The following KCNIP4 variants were observed in gnomAD, a reference collection of about 807,000 sequenced individuals.
KCNIP4 encodes Kv channel-interacting protein 4.
KCNIP4 carries 12 observed loss-of-function variants against 34.0 expected under a neutral mutation model. The ratio of observed to expected loss-of-function variants is 0.35; its 90% CI spans 0.23 to 0.57. The LOEUF (loss-of-function observed/expected upper bound fraction) is 0.57, where lower values mean the gene tolerates loss of function less well. KCNIP4 is among the 20% of genes least tolerant of loss of function. The pLI, the probability that KCNIP4 is intolerant of heterozygous loss-of-function variation, is 0.83. For missense variants in KCNIP4, 238 were observed against 311.7 expected (o/e 0.76, Z 1.78); for synonymous variants, 124 against 102.2 (o/e 1.21, Z -1.29).
chr4:21,248,224 C>T (rs1760438443), intron 1 of KCNIP4, among the ~76,000 whole-genome samples: 2 of 151,856 alleles, frequency 1.3e-5, no homozygotes, highest in Non-Finnish European at 2.9e-5. Context: ...GCATGAGCTC[C>T]ATGTCACCAG....
chr4:21,577,491 C>A (rs764290444), intron 1 of KCNIP4, among the ~76,000 whole-genome samples: 3 of 152,048 alleles, frequency 2.0e-5, no homozygotes, highest in Non-Finnish European at 2.9e-5. Flanking sequence ...ATTAGGCAGG[C>A]ATTGTGGCAG....
chr4:21,827,330 T>C (rs1722734355), intron 1 of KCNIP4, among the ~76,000 whole-genome samples: 1 of 152,000 alleles, frequency 6.6e-6, no homozygotes, highest in African/African-American at 2.4e-5. Context: ...TTCATAAAAC[T>C]GCAACCTAGG....
At chr4:21,556,935 A>AAAAACAAAAAAAAACAAAAC (rs1739108809) in intron 1 of KCNIP4, among the ~76,000 whole-genome samples, 1 of 149,146 alleles carries the variant, frequency 6.7e-6, no homozygotes, top group Non-Finnish European at 1.5e-5. Flanking sequence ...AAAAAAAAAA[A>AAAAACAAAAAAAAACAAAAC]AAAAAAAACC....
chr4:20,735,868 G>A lies in KCNIP4; in HGVS notation c.430-1133C>T, dbSNP rs150327508. Among the ~76,000 whole-genome samples the A allele has an allele frequency of 1.1e-3, 167 of 152,216 alleles. 1 individual carries two copies. The highest frequency in any genetic ancestry group is 3.8e-3 in the African/African-American group (160 of 41,572). ...TGTTGTTATGTACAGCAGGGTTAAC[G>A]TTACAATGTGCTGTATTCAGTTTAT... On this transcript the variant is annotated intron_variant, in intron 5 of 8. Coordinates refer to ENST00000382152, the MANE Select transcript of KCNIP4 (RefSeq NM_025221.6).
At chr4:21,891,505 T>C (rs1320253544) in intron 1 of KCNIP4, among the ~76,000 whole-genome samples, 2 of 152,046 alleles carry the variant, frequency 1.3e-5, no homozygotes, top group African/African-American at 4.8e-5. Flanking sequence ...CTGAAGTACA[T>C]ATGGGCACAC....
intron 3 of KCNIP4, among the ~76,000 whole-genome samples, chr4:20,806,296 T>C (rs1032883531): frequency 6.6e-6 from 1 of 152,014 alleles, no homozygotes; most frequent in Non-Finnish European, 1.5e-5. Context: ...TGAGATCTGC[T>C]AGTTTCCATT....
intron 1 of KCNIP4, among the ~76,000 whole-genome samples, chr4:20,981,761 T>C (rs1736089376): frequency 6.6e-6 from 1 of 152,240 alleles, no homozygotes; most frequent in South Asian, 2.1e-4. Flanking sequence ...TATTTTAACA[T>C]GATCATGGAT....
chr4:21,516,323 C>T (rs1457779350), intron 1 of KCNIP4, among the ~76,000 whole-genome samples: 1 of 152,172 alleles, frequency 6.6e-6, no homozygotes, highest in Non-Finnish European at 1.5e-5. Context: ...TAATCCAGCT[C>T]TATTGAGTCA....
chr4:21,252,556 A>G (rs1425916610), intron 1 of KCNIP4, among the ~76,000 whole-genome samples: 2 of 152,148 alleles, frequency 1.3e-5, no homozygotes, highest in African/African-American at 4.8e-5. Flanking sequence ...TAAGCAGGGC[A>G]GCACACGAAG....
chr4:21,333,172 T>C (rs1301935635), intron 1 of KCNIP4, among the ~76,000 whole-genome samples: 1 of 152,104 alleles, frequency 6.6e-6, no homozygotes, highest in East Asian at 1.9e-4. Context: ...TGATTGCTTC[T>C]TAATTCTCAA....
intron 1 of KCNIP4, among the ~76,000 whole-genome samples, chr4:21,756,975 T>C (rs1432548715): frequency 1.3e-5 from 2 of 151,318 alleles, no homozygotes; most frequent in Non-Finnish European, 2.9e-5. Flanking sequence ...CAGGCACCTG[T>C]AATCACAGCT....
At chr4:21,453,237 A>G (rs1728662134) in intron 1 of KCNIP4, among the ~76,000 whole-genome samples, 1 of 152,092 alleles carries the variant, frequency 6.6e-6, no homozygotes, top group Non-Finnish European at 1.5e-5. Context: ...AATTATCTGG[A>G]AGAGGATAAT....
rs939636032 is a variant in KCNIP4, at chr4:21,504,928, T to C, written c.61+443643A>G. Among the ~76,000 whole-genome samples, 6 of 152,330 alleles carry C rather than the reference T, an allele frequency of 3.9e-5. No individual in the cohort carries two copies. In the East Asian group the frequency reaches 9.6e-4, roughly 24 times the overall value. ...AACAATCCTTACAGAAAATCTGTCC[T>C]CTTTGTGGTAAGGTAGCCAATAAAA... On this transcript the variant is annotated intron_variant, in intron 1 of 8. Coordinates refer to ENST00000382152, the MANE Select transcript of KCNIP4 (RefSeq NM_025221.6).
chr4:20,916,591 T>C (rs1444683507), intron 1 of KCNIP4, among the ~76,000 whole-genome samples: 1 of 152,028 alleles, frequency 6.6e-6, no homozygotes, highest in East Asian at 1.9e-4. Flanking sequence ...ACTCAAAAAA[T>C]CAGAAATAAT....
chr4:21,772,971 G>C (rs1718903146), intron 1 of KCNIP4, among the ~76,000 whole-genome samples: 2 of 152,020 alleles, frequency 1.3e-5, no homozygotes, highest in South Asian at 4.1e-4. Flanking sequence ...TTTTGGATTA[G>C]TTTGCTCTTG....
intron 1 of KCNIP4, among the ~76,000 whole-genome samples, chr4:21,070,823 C>T (rs1040121239): frequency 2.0e-5 from 3 of 151,192 alleles, no homozygotes; most frequent in Admixed American, 6.6e-5. Context: ...CTATAGGCGC[C>T]GGCTACCATG....
At chr4:21,898,293 G>A (rs570978870) in intron 1 of KCNIP4, among the ~76,000 whole-genome samples, 2 of 152,248 alleles carry the variant, frequency 1.3e-5, no homozygotes, top group East Asian at 3.9e-4. Flanking sequence ...GACCTAGCAA[G>A]ATGCCAGCTA....
intron 1 of KCNIP4, among the ~76,000 whole-genome samples, chr4:21,659,049 G>T (rs892126827): frequency 1.1e-4 from 16 of 152,120 alleles, no homozygotes; most frequent in Middle Eastern, 3.2e-3. Context: ...TTAAAAAGTA[G>T]ACCATTGATT....
Position 21,944,556 on chromosome 4 carries a change from CAAA to C in KCNIP4, c.61+4012_61+4014del, listed in dbSNP as rs5856680. On this transcript the variant is annotated intron_variant, in intron 1 of 8. Transcript: ENST00000382152. The stretch of plus-strand genomic sequence containing the variant: ...TGGGCAACAGAATGAGACTCCGTCT[CAAA>C]AAAAAAAAAAAAAAAAAAAGAGAGA... 6.7e-3 allele frequency among the ~76,000 whole-genome samples: 702 copies of C among 104,422 alleles called. 5 individuals are homozygous for C. The highest frequency in any genetic ancestry group is 0.025 in the African/African-American group (660 of 26,870). 68.5% of individuals were successfully genotyped at this position (104,422 alleles called of 152,430 possible). A position where few individuals can be genotyped will look rare whatever the true frequency, so the allele number is the denominator to read the frequency against.
Sources: allele counts gnomAD v4.1 joint callset (sites outside exome capture counted in the v4.1 genomes callset), GRCh38; gene constraint gnomAD v4.1.1; transcripts MANE v1.5; gene names NCBI Gene and HGNC (gene_info 2026-07-23, HGNC 2026-07-21).